The following UGGT2 variants were observed in gnomAD, a reference collection of about 807,000 sequenced individuals.
UGGT2 encodes the protein UDP-glucose glycoprotein glucosyltransferase 2.
UGGT2 carries 180 observed loss-of-function variants against 192.1 expected under a neutral mutation model. The ratio of observed to expected loss-of-function variants is 0.94; its 90% CI spans 0.83 to 1.06. UGGT2 has a LOEUF of 1.06. Among genes scored for constraint, UGGT2 ranks in the 50% least tolerant of loss-of-function variants. The pLI is 0.00. For missense variants in UGGT2, 1,849 were observed against 1,795.7 expected, an observed-to-expected ratio of 1.03 and a Z score of -0.54; for synonymous variants, 580 against 591.0, an observed-to-expected ratio of 0.98 and a Z score of 0.27.
intron 5 of UGGT2, among the ~76,000 whole-genome samples, chr13:96,006,635 AAAAAAAAAAAAAAG>A (rs2051988263): frequency 1.6e-5 from 1 of 62,250 alleles, no homozygotes; most frequent in Admixed American, 2.0e-4. Context: ...AAAAAAAAAA[AAAAAAAAAAAAAAG>A]AATTGGTTAA....
At chr13:95,887,276 G>C in intron 26 of UGGT2, 1 of 516,088 alleles carries the variant, frequency 1.9e-6, no homozygotes, top group Non-Finnish European at 3.9e-6. Flanking sequence ...TACATACCCT[G>C]TTTTCTGCCC....
intron 1 of UGGT2, among the ~76,000 whole-genome samples, chr13:96,043,632 C>T (rs2139209718): frequency 6.6e-6 from 1 of 152,130 alleles, no homozygotes; most frequent in African/African-American, 2.4e-5. Flanking sequence ...TACCTATCAC[C>T]TAAGGACTCA....
chr13:95,967,079 T>C (rs1435321358), intron 12 of UGGT2, among the ~76,000 whole-genome samples: 2 of 152,200 alleles, frequency 1.3e-5, no homozygotes, highest in African/African-American at 2.4e-5. Context: ...CATTTCCCAC[T>C]GTTTTTTTAT....
intron 13 of UGGT2, among the ~76,000 whole-genome samples, chr13:95,948,420 G>A (rs983894451): frequency 1.3e-5 from 2 of 151,832 alleles, no homozygotes; most frequent in African/African-American, 4.8e-5. Context: ...GATTTTCTAT[G>A]ATAAATTTTT....
chr13:95,929,453 C>T (rs530511158), intron 17 of UGGT2, among the ~76,000 whole-genome samples: 192 of 152,146 alleles, frequency 1.3e-3, no homozygotes, highest in South Asian at 0.012. Context: ...TTTTTCCTTC[C>T]CTCTCCCCTC....
At chr13:95,913,909 A>T (rs1302750498) in intron 20 of UGGT2, among the ~76,000 whole-genome samples, 2 of 152,146 alleles carry the variant, frequency 1.3e-5, no homozygotes, top group East Asian at 3.8e-4. Context: ...TGCAGCCATA[A>T]AAAAGGATGA....
At chr13:95,930,119 T>C (rs2049195380) in intron 17 of UGGT2, among the ~76,000 whole-genome samples, 1 of 152,216 alleles carries the variant, frequency 6.6e-6, no homozygotes, top group African/African-American at 2.4e-5. Context: ...TGCCTACTTT[T>C]TAATGGGGTT....
chr13:95,948,639 T>C (rs1377993036), intron 13 of UGGT2, among the ~76,000 whole-genome samples: 1 of 152,202 alleles, frequency 6.6e-6, no homozygotes, highest in Non-Finnish European at 1.5e-5. Context: ...GTGGTATTTA[T>C]GTATCTTTCC....
intron 17 of UGGT2, 45 bp from the exon 18 acceptor site, chr13:95,927,381 TCC>T: frequency 6.6e-7 from 1 of 1,510,498 alleles, no homozygotes. Flanking sequence ...GCAATTTATA[TCC>T]ATGTTTCAAA....
intron 12 of UGGT2, among the ~76,000 whole-genome samples, chr13:95,954,377 C>G (rs1216806537): frequency 2.0e-5 from 3 of 152,182 alleles, no homozygotes; most frequent in Non-Finnish European, 4.4e-5. Context: ...GGGAGTCAGA[C>G]AGGCCTCATT....
rs528482863 is a variant in UGGT2 at position 95,864,596 on chromosome 13, T to C, written c.3559-882A>G. On this transcript the variant is annotated intron_variant, in intron 30 of 38. Transcript: ENST00000376747. ...AGAACTATTTTTTCCTGGAATTCCA[T>C]TGTCCTTCTTTTTTCTTGTGGGGAG... is the stretch of plus-strand genomic sequence containing the variant. Among the ~76,000 whole-genome samples, 4 of 152,306 alleles carry C rather than the reference T, an allele frequency of 2.6e-5. No individual in the cohort carries two copies. In the East Asian group the frequency reaches 5.8e-4, roughly 22 times the overall value.
intron 38 of UGGT2, among the ~76,000 whole-genome samples, chr13:95,829,093 G>A (rs567562939): frequency 5.3e-5 from 8 of 152,248 alleles, no homozygotes; most frequent in East Asian, 1.9e-4. Context: ...AACAGATGCC[G>A]AAAAGGTCTT....
intron 1 of UGGT2, among the ~76,000 whole-genome samples, chr13:96,050,145 GA>G (rs2053442554): frequency 6.6e-6 from 1 of 152,116 alleles, no homozygotes; most frequent in African/African-American, 2.4e-5. Context: ...TAGACCAATG[GA>G]ACAGAGCAGA....
chr13:96,021,297 AT>A (rs2052508658), intron 4 of UGGT2, among the ~76,000 whole-genome samples: 2 of 152,136 alleles, frequency 1.3e-5, no homozygotes, highest in Non-Finnish European at 2.9e-5. Flanking sequence ...TTTGATGTTA[AT>A]TTTTTTGTAA....
intron 5 of UGGT2, among the ~76,000 whole-genome samples, chr13:96,003,773 C>T (rs2051882385): frequency 6.6e-6 from 1 of 152,128 alleles, no homozygotes; most frequent in African/African-American, 2.4e-5. Context: ...CTGAATGACC[C>T]TCACTGCATG....
At chr13:96,016,782 A>T (rs1039811792) in intron 4 of UGGT2, among the ~76,000 whole-genome samples, 13 of 152,104 alleles carry the variant, frequency 8.5e-5, no homozygotes, top group Admixed American at 6.5e-5. Context: ...GAGCTAGTGG[A>T]GGGGGGGCTG....
intron 6 of UGGT2, among the ~76,000 whole-genome samples, chr13:95,997,799 AAATT>A (rs1221822488): frequency 1.2e-4 from 19 of 152,238 alleles, no homozygotes; most frequent in African/African-American, 3.9e-4. Flanking sequence ...AGGGAACAGA[AAATT>A]ATTCTAAATA....
At chr13:95,939,816 C>A in intron 16 of UGGT2, 141 bp downstream of exon 16, 1 of 605,700 alleles carries the variant, frequency 1.7e-6, no homozygotes, top group Non-Finnish European at 2.6e-6. Context: ...CCAATTCTGC[C>A]ATCCCCAGCC....
At chr13:95,853,431 C>A (rs1889252456) in intron 36 of UGGT2, 112 bp downstream of exon 36, 1 of 674,932 alleles carries the variant, frequency 1.5e-6, no homozygotes, top group Non-Finnish European at 2.4e-6. Flanking sequence ...ATTACATAAA[C>A]AGCAGTAAAT....
Sources: allele counts gnomAD v4.1 joint callset (sites outside exome capture counted in the v4.1 genomes callset), GRCh38; gene constraint gnomAD v4.1.1; transcripts MANE v1.5; gene names NCBI Gene and HGNC (gene_info 2026-07-23, HGNC 2026-07-21).